The following FANK1 variants were observed in gnomAD, a reference collection of about 807,000 sequenced individuals.
FANK1 encodes the protein fibronectin type III and ankyrin repeat domains 1.
A neutral mutation model predicts 45.3 loss-of-function variants in FANK1; 44 were observed. The ratio of observed to expected loss-of-function variants is 0.97; its 90% confidence interval spans 0.76 to 1.25. FANK1 has a LOEUF of 1.25. Ranked by LOEUF, FANK1 falls within the 50% of genes most tolerant of loss-of-function variation. The pLI, the probability that FANK1 is intolerant of heterozygous loss-of-function variation, is 0.00. For missense variants in FANK1, 391 were observed against 424.4 expected (o/e 0.92, Z 0.69); for synonymous variants, 149 against 152.5 (o/e 0.98, Z 0.17).
intron 8 of FANK1, 129 bp downstream of exon 8, chr10:126,008,679 CCT>C: frequency 9.3e-7 from 1 of 1,079,578 alleles, no homozygotes; most frequent in South Asian, 1.7e-5. Context: ...GTGTGTGTTC[CCT>C]GTCGGCTTGT....
chr10:125,905,905 A>G, intron 1 of FANK1, among the ~76,000 whole-genome samples: 1 of 152,312 alleles, frequency 6.6e-6, no homozygotes, highest in Non-Finnish European at 1.5e-5. Flanking sequence ...AGAGAATACA[A>G]TTACAAAAGT....
Position 125,971,846 on chromosome 10 carries a change from T to C in FANK1, c.14-8315T>C, listed in dbSNP as rs541422775. On this transcript the variant is annotated intron_variant, in intron 1 of 10. Coordinates refer to ENST00000368693, the MANE Select transcript of FANK1 (RefSeq NM_145235.5). ...ACCATGTTAGCCAGGATGGTCTCGA[T>C]CTCGTGACTTTGTGATTCGTCCACC... Among the ~76,000 whole-genome samples, 5 of 152,218 alleles carry C rather than the reference T, an allele frequency of 3.3e-5. No homozygotes were observed. The South Asian group carries it at 8.3e-4, about 25-fold the overall frequency.
intron 3 of FANK1, chr10:125,994,683 C>A (rs181838265): frequency 3.0e-6 from 3 of 985,250 alleles, no homozygotes; most frequent in African/African-American, 3.5e-5. Flanking sequence ...ACTAGAAACG[C>A]CTAGAAAGAT....
intron 1 of FANK1, among the ~76,000 whole-genome samples, chr10:125,952,806 C>T (rs1447897561): frequency 7.2e-3 from 8 of 1,110 alleles, no homozygotes; most frequent in Non-Finnish European, 0.026. Flanking sequence ...TACATACACA[C>T]ACACACACAC....
chr10:125,928,934 G>A (rs1363502970), intron 1 of FANK1, among the ~76,000 whole-genome samples: 1 of 152,214 alleles, frequency 6.6e-6, no homozygotes, highest in Non-Finnish European at 1.5e-5. Context: ...TTTTGCTATA[G>A]TGCAATTTAT....
At chr10:125,923,114 A>G (rs764213442) in intron 1 of FANK1, among the ~76,000 whole-genome samples, 5 of 151,894 alleles carry the variant, frequency 3.3e-5, no homozygotes, top group Non-Finnish European at 5.9e-5. Flanking sequence ...TATTTAATCT[A>G]TGTAAGATTT....
chr10:125,903,782 G>C (rs1223650365), intron 1 of FANK1, among the ~76,000 whole-genome samples: 1 of 151,954 alleles, frequency 6.6e-6, no homozygotes, highest in East Asian at 1.9e-4. Flanking sequence ...TGCTAGTTTA[G>C]TGTATTACTC....
chr10:125,930,869 C>T (rs1249610085), intron 1 of FANK1, among the ~76,000 whole-genome samples: 3 of 152,118 alleles, frequency 2.0e-5, no homozygotes, highest in Non-Finnish European at 2.9e-5. Flanking sequence ...CTTGCCCCCT[C>T]CACACCCTTA....
intron 1 of FANK1, among the ~76,000 whole-genome samples, chr10:125,943,626 G>A (rs1053782296): frequency 6.6e-6 from 1 of 152,118 alleles, no homozygotes; most frequent in Non-Finnish European, 1.5e-5. Context: ...AATTTTGAAT[G>A]AACTCTCTAT....
chr10:126,007,687 G>GCA (rs201756429), intron 7 of FANK1, among the ~76,000 whole-genome samples: 2 of 87,662 alleles, frequency 2.3e-5, no homozygotes, highest in Admixed American at 9.6e-5. Flanking sequence ...ATGCGTGTGT[G>GCA]CACACACGAG....
At chr10:125,993,850 T>C (rs1158414635) in intron 3 of FANK1, among the ~76,000 whole-genome samples, 1 of 152,240 alleles carries the variant, frequency 6.6e-6, no homozygotes, top group African/African-American at 2.4e-5. Context: ...TATTTCAAAA[T>C]AATTTAAACT....
chr10:125,918,579 AAAAAAAAT>A (rs1946657899), intron 1 of FANK1, among the ~76,000 whole-genome samples: 4 of 113,216 alleles, frequency 3.5e-5, no homozygotes, highest in South Asian at 2.7e-4. Context: ...AAAAAAAAAA[AAAAAAAAT>A]ATATATATAT....
Position 125,983,972 on chromosome 10 carries a change from C to T in FANK1, c.191+3634C>T, listed in dbSNP as rs1186568548. On this transcript the variant is annotated intron_variant, in intron 2 of 10. Coordinates refer to ENST00000368693, the MANE Select transcript of FANK1 (RefSeq NM_145235.5). This position sits in a 1 kb window ranked among gnomAD's most constrained non-coding sequence, Gnocchi z 4.3. ...ACAGTTTAGGTGGGAGACAACACAACAGTGTGGAAAGTGGGAGGATGCAGG... is the reference window on the plus strand; with the variant it reads ...ACAGTTTAGGTGGGAGACAACACAATAGTGTGGAAAGTGGGAGGATGCAGG... 6.6e-6 allele frequency among the ~76,000 whole-genome samples: 1 copy of T among 152,130 alleles called. No individual in the cohort carries two copies. The highest frequency in any genetic ancestry group is 2.4e-5 in the African/African-American group (1 of 41,426).
chr10:125,968,572 C>A (rs1476904343), intron 1 of FANK1, among the ~76,000 whole-genome samples: 3 of 152,130 alleles, frequency 2.0e-5, no homozygotes, highest in African/African-American at 7.2e-5. Flanking sequence ...TTTCATGATA[C>A]AAATCACAAT....
chr10:125,968,113 C>T (rs1459423835), intron 1 of FANK1, among the ~76,000 whole-genome samples: 1 of 150,762 alleles, frequency 6.6e-6, no homozygotes, highest in Admixed American at 6.6e-5. Context: ...CAGGGTCTTG[C>T]TCTTTCGCTC....
Position 125,940,649 on chromosome 10 carries a change from G to A in FANK1, c.14-39512G>A, listed in dbSNP as rs531625385. 3.9e-5 allele frequency among the ~76,000 whole-genome samples: 6 copies of A among 152,114 alleles called. No homozygotes were observed. In the East Asian group the frequency reaches 5.8e-4, roughly 15 times the overall value. On this transcript the variant is annotated intron_variant, in intron 1 of 10. Coordinates refer to ENST00000368693, the MANE Select transcript of FANK1 (RefSeq NM_145235.5). ...CTCTTTTACTATTCCTCCTCAGCAC[G>A]GATCATTTACAGGTGTCGGGCTGGG...
At chr10:125,994,411 T>A (rs1472044262) in intron 3 of FANK1, 1 of 985,168 alleles carries the variant, frequency 1.0e-6, no homozygotes, top group Non-Finnish European at 1.2e-6. Context: ...CCTTTGAGGT[T>A]TTTTTAGACC....
At chr10:125,952,430 G>T (rs1878029) in intron 1 of FANK1, among the ~76,000 whole-genome samples, 19,405 of 152,044 alleles carry the variant, frequency 0.13, 1,790 homozygotes, top group Admixed American at 0.31. Flanking sequence ...TTAAGTCAGT[G>T]AATTTATAGT....
At chr10:125,919,228 C>CAA (rs745731590) in intron 1 of FANK1, among the ~76,000 whole-genome samples, 28 of 16,200 alleles carry the variant, frequency 1.7e-3, no homozygotes, top group Non-Finnish European at 2.6e-3. Flanking sequence ...TTTTTTGTGA[C>CAA]AGAGTCTTGC....
Sources: allele counts gnomAD v4.1 joint callset (sites outside exome capture counted in the v4.1 genomes callset), GRCh38; gene constraint gnomAD v4.1.1; non-coding constraint Gnocchi (gnomAD v3.1); transcripts MANE v1.5; gene names NCBI Gene and HGNC (gene_info 2026-07-23, HGNC 2026-07-21).